ATP5MGL: variants seen among roughly 807,000 people sequenced by gnomAD.
ATP5MGL encodes the protein ATP synthase membrane subunit g like.
For synonymous variants in ATP5MGL, 56 were observed against 48.3 expected (o/e 1.16, Z -0.66); for missense variants, 119 against 123.1 (o/e 0.97, Z 0.16).
Position 42,640,171 on chromosome 22 carries a change from G to T in ATP5MGL, c.104C>A (p.Thr35Lys). The change falls in exon 1 of 1, where the codon ACG (threonine) becomes AAG (lysine). Residue 35 changes from threonine (T) to lysine (K), a missense_variant. Physicochemically the swap from Thr to Lys is moderately conservative, Grantham distance 78 (BLOSUM62 -1). Coordinates refer to ENST00000505920, the MANE Select transcript of ATP5MGL (RefSeq NM_001165877.1). ...PRLAAFWYYT[T>K]VELVPPTPAE... ...AGGGGTGGGAGGAACCAGCTCAACC[G>T]TGGTGTAGTACCAAAATGCGGCCAA... 1 of 1,612,740 alleles carries T rather than the reference G, an allele frequency of 6.2e-7. No individual in the cohort carries two copies. Among genetic ancestry groups the T allele is most frequent in the Non-Finnish European group, 8.5e-7 (1 of 1,179,888 alleles).
chr22:42,639,858 G>A lies in ATP5MGL; in HGVS notation c.*114C>T. On this transcript the variant is annotated 3_prime_UTR_variant, in exon 1 of 1. Coordinates refer to ENST00000505920, the MANE Select transcript of ATP5MGL (RefSeq NM_001165877.1). ...GCTTGATTCACTTTTTTTTTTTTTT[G>A]GAATTTCTGACAAATCTTATTTTAT... 9.1e-7 allele frequency: 1 copy of A among 1,097,666 alleles called. No homozygotes were observed. The highest frequency in any genetic ancestry group is 2.7e-5 in the East Asian group (1 of 37,730). 68.0% of individuals were successfully genotyped at this position (1,097,666 alleles called of 1,614,324 possible).
At position 42,639,970 on chromosome 22, in the gene ATP5MGL, T is replaced by C; in HGVS notation, c.*2A>G. Reference sequence around the variant, plus strand: ...AGATGTTAAGACTGGTCTTCAAACATTCTAGCCAATGATGCCACGCTTGCC... The same window carrying C: ...AGATGTTAAGACTGGTCTTCAAACACTCTAGCCAATGATGCCACGCTTGCC... On this transcript the variant is annotated 3_prime_UTR_variant, in exon 1 of 1. Coordinates refer to ENST00000505920, the MANE Select transcript of ATP5MGL (RefSeq NM_001165877.1). 6.2e-7 allele frequency: 1 copy of C among 1,610,668 alleles called. No individual in the cohort carries two copies. The highest frequency in any genetic ancestry group is 8.5e-7 in the Non-Finnish European group (1 of 1,179,694).
At position 42,639,864 on chromosome 22, in the gene ATP5MGL, TC is replaced by T; in HGVS notation, c.*107del. 2 of 1,314,194 alleles carry T rather than the reference TC, an allele frequency of 1.5e-6. No homozygotes were observed. Among genetic ancestry groups the T allele is most frequent in the Non-Finnish European group, 2.0e-6 (2 of 987,596 alleles). 81.4% of individuals were successfully genotyped at this position (1,314,194 alleles called of 1,614,324 possible). A position where few individuals can be genotyped will look rare whatever the true frequency, so the allele number is the denominator to read the frequency against. ...TTCACTTTTTTTTTTTTTTGGAATT[TC>T]TGACAAATCTTATTTTATTCAGATA... On this transcript the variant is annotated 3_prime_UTR_variant, in exon 1 of 1. Coordinates refer to ENST00000505920, the MANE Select transcript of ATP5MGL (RefSeq NM_001165877.1).
rs59947151 is a variant in ATP5MGL at position 42,639,843 on chromosome 22, C to CTTT, written c.*126_*128dup. On this transcript the variant is annotated 3_prime_UTR_variant, in exon 1 of 1. Transcript: ENST00000505920. Reference sequence around the variant, plus strand: ...ACATGGGTTGGAACTGCTTGATTCACTTTTTTTTTTTTTTGGAATTTCTGA... The same window carrying CTTT: ...ACATGGGTTGGAACTGCTTGATTCACTTTTTTTTTTTTTTTTTGGAATTTCTGA... 14,089 of 1,009,032 alleles carry CTTT rather than the reference C, an allele frequency of 0.014. 37 individuals are homozygous for CTTT. The highest frequency in any genetic ancestry group is 0.017 in the Non-Finnish European group (12,199 of 729,724). The allele number at this position is 1,009,032 out of a possible 1,614,324, so 62.5% of individuals were successfully genotyped here. A position where few individuals can be genotyped will look rare whatever the true frequency, so the allele number is the denominator to read the frequency against.
At position 42,640,430 on chromosome 22, in the gene ATP5MGL, G is replaced by C. The variant is rs1929196773; in HGVS notation, c.-156C>G. On this transcript the variant is annotated 5_prime_UTR_variant, in exon 1 of 1. Transcript: ENST00000505920. ...GTCTCACTCTATCACCCAGGCTGGA[G>C]TACAGTGGTGTGATCTTGGCTAACT... The C allele has an allele frequency of 2.0e-6, 1 of 494,414 alleles. No individual in the cohort carries two copies. The highest frequency in any genetic ancestry group is 4.8e-5 in the Admixed American group (1 of 20,880). The allele number at this position is 494,414 out of a possible 1,614,324, so 30.6% of individuals were successfully genotyped here. A position where few individuals can be genotyped will look rare whatever the true frequency, so the allele number is the denominator to read the frequency against.
chr22:42,640,249 A>G lies in ATP5MGL; in HGVS notation c.26T>C (p.Val9Ala). MAPFVRNL[V>A]EKTPALVNAA... is the part of the protein sequence containing the mutation. Reference sequence around the variant, plus strand: ...ATTCACCAGTGCTGGGGTCTTCTCCACAAGGTTACGGACAAATGGAGCCAT... The same window carrying G: ...ATTCACCAGTGCTGGGGTCTTCTCCGCAAGGTTACGGACAAATGGAGCCAT... The change falls in exon 1 of 1, where the codon GTG becomes GCG. Residue 9 changes from valine (V) to alanine (A), a missense_variant. Transcript: ENST00000505920. The G allele has an allele frequency of 6.3e-7, 1 of 1,575,092 alleles. No homozygotes were observed. The highest frequency in any genetic ancestry group is 8.6e-7 in the Non-Finnish European group (1 of 1,163,734).
Position 42,640,334 on chromosome 22 carries a change from G to A in ATP5MGL, c.-60C>T, listed in dbSNP as rs1319459059. On this transcript the variant is annotated 5_prime_UTR_variant, in exon 1 of 1. Transcript: ENST00000505920. ...CCAGCTGAAGGTCACCCCCCGGAAG[G>A]ACCCTGCGTGGTTCACTTATTTATT... 7.9e-7 allele frequency: 1 copy of A among 1,260,302 alleles called. No homozygotes were observed. The highest frequency in any genetic ancestry group is 1.0e-6 in the Non-Finnish European group (1 of 956,296). 78.1% of individuals were successfully genotyped at this position (1,260,302 alleles called of 1,614,324 possible).
In ATP5MGL at chr22:42,640,099, C is replaced by T. The variant is rs765122495; in HGVS notation, c.176G>A (p.Ser59Asn). The T allele has an allele frequency of 1.9e-6, 3 of 1,613,788 alleles. No homozygotes were observed. The highest frequency in any genetic ancestry group is 2.7e-5 in the African/African-American group (2 of 74,906). ...AIQSLKKIVS[S>N]AQTGSFKQLT... is the part of the protein sequence containing the mutation. ...CTGTTTGAAGCTACCAGTCTGAGCA[C>T]TACTGACTATTTTTTTCAGGCTCTG... Residue 59 changes from serine (S) to asparagine (N), a missense_variant, in exon 1 of 1, where the codon AGT becomes AAT. Physicochemically the swap from Ser to Asn is conservative, Grantham distance 46. Transcript: ENST00000505920.
At position 42,639,931 on chromosome 22, in the gene ATP5MGL, A is replaced by T. The variant is rs766921788; in HGVS notation, c.*41T>A. ...CTGGTCCAACAACACTCAAATAATAAATCAAATATAATCAGATGTTAAGAC... is the reference window on the plus strand; with the variant it reads ...CTGGTCCAACAACACTCAAATAATATATCAAATATAATCAGATGTTAAGAC... On this transcript the variant is annotated 3_prime_UTR_variant, in exon 1 of 1. Coordinates refer to ENST00000505920, the MANE Select transcript of ATP5MGL (RefSeq NM_001165877.1). 1 of 1,575,492 alleles carries T rather than the reference A, an allele frequency of 6.3e-7. No individual in the cohort carries two copies. Among genetic ancestry groups the T allele is most frequent in the Non-Finnish European group, 8.6e-7 (1 of 1,162,378 alleles).
Position 42,640,042 on chromosome 22 carries a change from A to G in ATP5MGL, c.233T>C (p.Leu78Ser), listed in dbSNP as rs1462063315. The G allele has an allele frequency of 6.2e-7, 1 of 1,613,646 alleles. No homozygotes were observed. Among genetic ancestry groups the G allele is most frequent in the Non-Finnish European group, 8.5e-7 (1 of 1,180,036 alleles). ...LTVKEALLNGLVATEVSTWFY... is the reference protein window; with the variant it reads ...LTVKEALLNGSVATEVSTWFY... ...CCACGTCGACACCTCAGTGGCCACC[A>G]AACCGTTCAGCAAAGCTTCCTTAAC... is the stretch of plus-strand genomic sequence containing the variant. The change falls in exon 1 of 1, where the codon TTG becomes TCG. Residue 78 changes from leucine (L) to serine (S), a missense_variant. By Grantham distance (145) the Leu-to-Ser change is moderately radical. Coordinates refer to ENST00000505920, the MANE Select transcript of ATP5MGL (RefSeq NM_001165877.1).
Position 42,640,005 on chromosome 22 carries a change from T to C in ATP5MGL, c.270A>G (p.Arg90=). The C allele has an allele frequency of 6.2e-7, 1 of 1,612,992 alleles. No individual in the cohort carries two copies. Among genetic ancestry groups the C allele is most frequent in the Non-Finnish European group, 8.5e-7 (1 of 1,180,006 alleles). ...ATEVSTWFYV[R]EITGKRGIIG ...TGATGCCACGCTTGCCTGTGATCTC[T>C]CTGACATAAAACCACGTCGACACCT... Residue 90 remains arginine, a synonymous_variant, in exon 1 of 1, where the codon AGA becomes AGG. Transcript: ENST00000505920.
At position 42,639,843 on chromosome 22, in the gene ATP5MGL, CT is replaced by C. The variant is rs59947151; in HGVS notation, c.*128del. 0.074 allele frequency: 70,089 copies of C among 949,162 alleles called. 465 individuals carry two copies. The highest frequency in any genetic ancestry group is 0.16 in the African/African-American group (9,608 of 59,526). 58.8% of individuals were successfully genotyped at this position (949,162 alleles called of 1,614,324 possible). A position where few individuals can be genotyped will look rare whatever the true frequency, so the allele number is the denominator to read the frequency against. The stretch of plus-strand genomic sequence containing the variant: ...ACATGGGTTGGAACTGCTTGATTCA[CT>C]TTTTTTTTTTTTTGGAATTTCTGAC... On this transcript the variant is annotated 3_prime_UTR_variant, in exon 1 of 1. Coordinates refer to ENST00000505920, the MANE Select transcript of ATP5MGL (RefSeq NM_001165877.1).
At position 42,640,346 on chromosome 22, in the gene ATP5MGL, T is replaced by C. The variant is rs903683068; in HGVS notation, c.-72A>G. On this transcript the variant is annotated 5_prime_UTR_variant, in exon 1 of 1. Coordinates refer to ENST00000505920, the MANE Select transcript of ATP5MGL (RefSeq NM_001165877.1). ...CACCCCCCGGAAGGACCCTGCGTGG[T>C]TCACTTATTTATTTATTTATTTATT... 12 of 895,226 alleles carry C rather than the reference T, an allele frequency of 1.3e-5. No individual in the cohort carries two copies. Among genetic ancestry groups the C allele is most frequent in the Non-Finnish European group, 1.5e-5 (10 of 669,264 alleles). The allele number at this position is 895,226 out of a possible 1,614,324, so 55.5% of individuals were successfully genotyped here. A position where few individuals can be genotyped will look rare whatever the true frequency, so the allele number is the denominator to read the frequency against.
Position 42,640,280 on chromosome 22 carries a change from T to C in ATP5MGL, c.-6A>G, listed in dbSNP as rs377761271. 3.2e-6 allele frequency: 5 copies of C among 1,551,658 alleles called. No homozygotes were observed. Among genetic ancestry groups the C allele is most frequent in the Non-Finnish European group, 4.3e-6 (5 of 1,150,770 alleles). On this transcript the variant is annotated 5_prime_UTR_variant, in exon 1 of 1. Coordinates refer to ENST00000505920, the MANE Select transcript of ATP5MGL (RefSeq NM_001165877.1). Reference sequence around the variant, plus strand: ...TTACGGACAAATGGAGCCATGGTTCTGGGATGGAAAGTCCATCATCCCGAA... The same window carrying C: ...TTACGGACAAATGGAGCCATGGTTCCGGGATGGAAAGTCCATCATCCCGAA...
At position 42,639,827 on chromosome 22, in the gene ATP5MGL, G is replaced by A; in HGVS notation, c.*145C>T. The A allele has an allele frequency of 9.7e-7, 1 of 1,025,850 alleles. No homozygotes were observed. The highest frequency in any genetic ancestry group is 1.4e-6 in the Non-Finnish European group (1 of 733,738). The allele number at this position is 1,025,850 out of a possible 1,614,324, so 63.5% of individuals were successfully genotyped here. A position where few individuals can be genotyped will look rare whatever the true frequency, so the allele number is the denominator to read the frequency against. On this transcript the variant is annotated 3_prime_UTR_variant, in exon 1 of 1. Transcript: ENST00000505920. Reference sequence around the variant, plus strand: ...CACAGTTGACCCTTGAACATGGGTTGGAACTGCTTGATTCACTTTTTTTTT... The same window carrying A: ...CACAGTTGACCCTTGAACATGGGTTAGAACTGCTTGATTCACTTTTTTTTT...
In ATP5MGL at chr22:42,640,252, A is replaced by G; in HGVS notation, c.23T>C (p.Leu8Pro). The change falls in exon 1 of 1, where the codon CTT becomes CCT. Residue 8 changes from leucine to proline, a missense_variant. By Grantham distance (98) the Leu-to-Pro change is moderately conservative (BLOSUM62 -3). Coordinates refer to ENST00000505920, the MANE Select transcript of ATP5MGL (RefSeq NM_001165877.1). MAPFVRNLVEKTPALVNA... is the reference protein window; with the variant it reads MAPFVRNPVEKTPALVNA... Reference sequence around the variant, plus strand: ...CACCAGTGCTGGGGTCTTCTCCACAAGGTTACGGACAAATGGAGCCATGGT... The same window carrying G: ...CACCAGTGCTGGGGTCTTCTCCACAGGGTTACGGACAAATGGAGCCATGGT... 6.4e-7 allele frequency: 1 copy of G among 1,572,848 alleles called. No individual in the cohort carries two copies. The highest frequency in any genetic ancestry group is 2.4e-5 in the East Asian group (1 of 42,494).
In ATP5MGL at chr22:42,640,097, C is replaced by T. The variant is rs761654392; in HGVS notation, c.178G>A (p.Ala60Thr). 2 of 1,613,872 alleles carry T rather than the reference C, an allele frequency of 1.2e-6. No individual in the cohort carries two copies. Among genetic ancestry groups the T allele is most frequent in the Admixed American group, 1.7e-5 (1 of 60,002 alleles). Reference protein sequence around the residue: ...IQSLKKIVSSAQTGSFKQLTV... With the variant: ...IQSLKKIVSSTQTGSFKQLTV... ...AGCTGTTTGAAGCTACCAGTCTGAG[C>T]ACTACTGACTATTTTTTTCAGGCTC... Residue 60 changes from alanine to threonine, a missense_variant, in exon 1 of 1, where the codon GCT becomes ACT. Physicochemically the swap from Ala to Thr is moderately conservative, Grantham distance 58. Transcript: ENST00000505920.
At position 42,639,859 on chromosome 22, in the gene ATP5MGL, G is replaced by C; in HGVS notation, c.*113C>G. On this transcript the variant is annotated 3_prime_UTR_variant, in exon 1 of 1. Coordinates refer to ENST00000505920, the MANE Select transcript of ATP5MGL (RefSeq NM_001165877.1). ...CTTGATTCACTTTTTTTTTTTTTTG[G>C]AATTTCTGACAAATCTTATTTTATT... 1 of 1,200,280 alleles carries C rather than the reference G, an allele frequency of 8.3e-7. No individual in the cohort carries two copies. The highest frequency in any genetic ancestry group is 1.1e-6 in the Non-Finnish European group (1 of 893,190). The allele number at this position is 1,200,280 out of a possible 1,614,324, so 74.4% of individuals were successfully genotyped here.
rs773416768 is a variant in ATP5MGL, at chr22:42,640,059, T to C, written c.216A>G (p.Glu72=). 10 of 1,613,892 alleles carry C rather than the reference T, an allele frequency of 6.2e-6. No homozygotes were observed. The South Asian group carries it at 9.9e-5, about 16-fold the overall frequency. ...TGSFKQLTVK[E]ALLNGLVATE... ...TGGCCACCAAACCGTTCAGCAAAGC[T>C]TCCTTAACTGTGAGCTGTTTGAAGC... Residue 72 remains glutamate (E), a synonymous_variant, in exon 1 of 1, where the codon GAA becomes GAG. Transcript: ENST00000505920.
Sources: gnomAD v4.1 joint callset for allele counts on GRCh38, gnomAD v4.1.1 for gene constraint, MANE v1.5 for transcripts, NCBI Gene and HGNC (gene_info 2026-07-23, HGNC 2026-07-21) for gene names.